SYNPR: variants seen among roughly 807,000 people sequenced by gnomAD.
The protein encoded by SYNPR is synaptoporin.
SYNPR carries 23 observed loss-of-function variants against 32.9 expected under a neutral mutation model. That is an observed-to-expected ratio of 0.70 (90% CI 0.50 to 0.99). SYNPR has a LOEUF of 0.99. Among genes scored for constraint, SYNPR ranks in the 50% least tolerant of loss-of-function variants. SYNPR has a pLI of 0.00. For synonymous variants in SYNPR, 146 were observed against 135.9 expected (o/e 1.07, Z -0.52); for missense variants, 318 against 349.3 (o/e 0.91, Z 0.71).
intron 3 of SYNPR, among the ~76,000 whole-genome samples, chr3:63,521,312 T>C (rs1385108705): frequency 1.3e-5 from 2 of 152,172 alleles, no homozygotes; most frequent in East Asian, 3.9e-4. Context: ...CAGCAAGTGA[T>C]CAAAAAATTT....
chr3:63,610,619 A>G, intron 5 of SYNPR: 2 of 586,620 alleles, frequency 3.4e-6, no homozygotes, highest in Non-Finnish European at 6.2e-6. Flanking sequence ...TTCATTGCTG[A>G]CCACACTTGT....
At chr3:63,411,447 G>A (rs1294738951) in intron 2 of SYNPR, among the ~76,000 whole-genome samples, 2 of 152,132 alleles carry the variant, frequency 1.3e-5, no homozygotes, top group African/African-American at 4.8e-5. Flanking sequence ...TCTCATACTA[G>A]CTAATAGTTT....
At chr3:63,325,273 G>T (rs186300561) in intron 2 of SYNPR, among the ~76,000 whole-genome samples, 21 of 152,186 alleles carry the variant, frequency 1.4e-4, no homozygotes, top group Admixed American at 9.2e-4. Flanking sequence ...CCAAGCATTT[G>T]CTCACATGTA....
At chr3:63,519,210 C>A (rs1701859586) in intron 3 of SYNPR, among the ~76,000 whole-genome samples, 1 of 151,988 alleles carries the variant, frequency 6.6e-6, no homozygotes, top group Non-Finnish European at 1.5e-5. Context: ...GGGATATTGG[C>A]CCAAGTTTTC....
chr3:63,319,711 C>A (rs560007453), intron 2 of SYNPR, among the ~76,000 whole-genome samples: 5 of 152,030 alleles, frequency 3.3e-5, no homozygotes, highest in African/African-American at 1.2e-4. Flanking sequence ...AAACAATCTA[C>A]AGAGTCAATG....
At chr3:63,238,098 CT>C (rs2106878129) in intron 1 of SYNPR, among the ~76,000 whole-genome samples, 1 of 152,152 alleles carries the variant, frequency 6.6e-6, no homozygotes, top group South Asian at 2.1e-4. Context: ...GGGTCAGCTT[CT>C]TAAGTTGAGT....
intron 3 of SYNPR, among the ~76,000 whole-genome samples, chr3:63,511,143 CCCTGAGTACTGGGAATCAT>C (rs1701692003): frequency 3.4e-5 from 2 of 59,182 alleles, no homozygotes; most frequent in African/African-American, 5.1e-5. Flanking sequence ...GAATCATGGA[CCCTGAGTACTGGGAATCAT>C]GGGCCTAGAA....
At chr3:63,466,698 C>T (rs1700688326) in intron 2 of SYNPR, among the ~76,000 whole-genome samples, 2 of 152,132 alleles carry the variant, frequency 1.3e-5, no homozygotes, top group Non-Finnish European at 2.9e-5. Flanking sequence ...GCTGAAGGTG[C>T]TGGCAAGCTG....
chr3:63,311,095 G>T (rs980743942), intron 2 of SYNPR, among the ~76,000 whole-genome samples: 49 of 152,052 alleles, frequency 3.2e-4, no homozygotes, highest in African/African-American at 9.9e-4. Flanking sequence ...AGAAAGTGGT[G>T]GCTTTTTTTT....
intron 2 of SYNPR, among the ~76,000 whole-genome samples, chr3:63,340,568 C>T (rs11706441): frequency 0.23 from 35,181 of 150,270 alleles, 4,313 homozygotes; most frequent in South Asian, 0.38. Flanking sequence ...TACAGGCGCC[C>T]GCCACTACGC....
chr3:63,522,926 T>A (rs570588387), intron 3 of SYNPR, among the ~76,000 whole-genome samples: 191 of 152,180 alleles, frequency 1.3e-3, no homozygotes, highest in Non-Finnish European at 2.1e-3. Context: ...AGTGACAGAC[T>A]CTGTTTTGTG....
intron 2 of SYNPR, among the ~76,000 whole-genome samples, chr3:63,383,110 A>G (rs1311435485): frequency 2.6e-5 from 4 of 152,358 alleles, no homozygotes; most frequent in Admixed American, 6.5e-5. Flanking sequence ...TAAGGTTTAC[A>G]TGACTTAAGG....
chr3:63,445,482 T>C (rs894202378), intron 2 of SYNPR: 8 of 681,216 alleles, frequency 1.2e-5, no homozygotes, highest in Non-Finnish European at 8.0e-6. Flanking sequence ...ACTTTTGTCA[T>C]TTGGGGGAAA....
chr3:63,556,764 T>C, intron 4 of SYNPR, 23 bp downstream of exon 4: 1 of 1,583,826 alleles, frequency 6.3e-7, no homozygotes, highest in Non-Finnish European at 8.6e-7. Flanking sequence ...CTTTTTCAAA[T>C]AACTTTTTCT....
At chr3:63,310,283 TA>T (rs1176224843) in intron 2 of SYNPR, among the ~76,000 whole-genome samples, 1 of 152,024 alleles carries the variant, frequency 6.6e-6, no homozygotes, top group South Asian at 2.1e-4. Context: ...TTTATGCAAT[TA>T]AAAAAGTGAA....
chr3:63,203,131 TA>T, the SYNPR span: 1 of 144,064 alleles, frequency 6.9e-6, no homozygotes, highest in Non-Finnish European at 1.5e-5. Context: ...GGTGAGTTTT[TA>T]AAAACAAGCA....
intron 2 of SYNPR, among the ~76,000 whole-genome samples, chr3:63,439,103 AC>A (rs994681673): frequency 6.6e-6 from 1 of 152,210 alleles, no homozygotes; most frequent in Non-Finnish European, 1.5e-5. Flanking sequence ...AGGTGTGTCC[AC>A]CAAAGGGGAG....
chr3:63,464,452 G>A (rs181830158), intron 2 of SYNPR, among the ~76,000 whole-genome samples: 3 of 152,126 alleles, frequency 2.0e-5, no homozygotes, highest in African/African-American at 4.8e-5. Context: ...CACCTCTTCC[G>A]AAGGTATTCC....
intron 2 of SYNPR, among the ~76,000 whole-genome samples, chr3:63,471,954 C>A (rs556868679): frequency 6.6e-6 from 1 of 152,208 alleles, no homozygotes; most frequent in African/African-American, 2.4e-5. Context: ...GCATAACCTA[C>A]TCACATCAGG....
Sources: allele counts gnomAD v4.1 joint callset (sites outside exome capture counted in the v4.1 genomes callset), GRCh38; gene constraint gnomAD v4.1.1; transcripts MANE v1.5; gene names NCBI Gene and HGNC (gene_info 2026-07-23, HGNC 2026-07-21).